The following ANKRD31 variants were observed in gnomAD, a reference collection of about 807,000 sequenced individuals.
ANKRD31 encodes the protein ankyrin repeat domain 31.
A neutral mutation model predicts 186.0 loss-of-function variants in ANKRD31; 147 were observed. The observed-to-expected ratio is 0.79, with a 90% CI of 0.69 to 0.91. The LOEUF is 0.91. Among genes scored for constraint, ANKRD31 ranks in the 40% least tolerant of loss-of-function variants. The probability of loss-of-function intolerance (pLI) is 0.00; values close to 1 mark genes in which losing one functional copy is unlikely to be tolerated. For synonymous variants in ANKRD31, 673 were observed against 736.4 expected, an observed-to-expected ratio of 0.91 and a Z score of 1.39; for missense variants, 1,986 against 2,148.8, an observed-to-expected ratio of 0.92 and a Z score of 1.50.
intron 9 of ANKRD31, 24 bp from the exon 10 acceptor site, chr5:75,188,672 G>A (rs1561519618): frequency 2.7e-6 from 4 of 1,497,810 alleles, no homozygotes; most frequent in Admixed American, 4.5e-5. Context: ...ATGAACAAAA[G>A]AAAAAAATCA....
At chr5:75,155,004 C>T (rs2150159723) in intron 11 of ANKRD31, among the ~76,000 whole-genome samples, 1 of 152,200 alleles carries the variant, frequency 6.6e-6, no homozygotes, top group African/African-American at 2.4e-5. Flanking sequence ...GCCCAATATA[C>T]TCCATATTAT....
intron 3 of ANKRD31, among the ~76,000 whole-genome samples, chr5:75,221,449 T>C (rs1392105805): frequency 1.3e-5 from 2 of 152,204 alleles, no homozygotes; most frequent in Admixed American, 6.5e-5. Context: ...AATTATACCA[T>C]ACAGGCTATA....
chr5:75,167,676 C>T (rs1376452337), intron 11 of ANKRD31, among the ~76,000 whole-genome samples: 1 of 152,010 alleles, frequency 6.6e-6, no homozygotes, highest in East Asian at 1.9e-4. Flanking sequence ...TTGAAGGAAC[C>T]AGAGATTATT....
intron 3 of ANKRD31, among the ~76,000 whole-genome samples, 161 bp from the exon 4 acceptor site, chr5:75,211,026 C>T (rs1756605266): frequency 6.6e-6 from 1 of 152,110 alleles, no homozygotes; most frequent in Non-Finnish European, 1.5e-5. Context: ...ACTATCTGTA[C>T]ATTTTTAAGT....
intron 1 of ANKRD31, among the ~76,000 whole-genome samples, chr5:75,233,372 C>T (rs1758070189): frequency 6.6e-6 from 1 of 151,980 alleles, no homozygotes; most frequent in African/African-American, 2.4e-5. Context: ...CAGGTTTTGC[C>T]ATTTCTTTGG....
chr5:75,210,453 C>G lies in ANKRD31; in HGVS notation c.326+375G>C, dbSNP rs376589636. ...CCTCCCAGAGTGCTAGGATTACAGG[C>G]GTTAGCCACTATGCCTGGCCGAGTT... is the stretch of plus-strand genomic sequence containing the variant. On this transcript the variant is annotated intron_variant, in intron 4 of 25. Transcript: ENST00000506364. Among the ~76,000 whole-genome samples the G allele has an allele frequency of 5.9e-4, 90 of 152,228 alleles. No individual in the cohort carries two copies. In the East Asian group the frequency reaches 0.01, roughly 17 times the overall value.
intron 23 of ANKRD31, among the ~76,000 whole-genome samples, chr5:75,084,895 G>A (rs1167792855): frequency 6.6e-6 from 1 of 152,084 alleles, no homozygotes; most frequent in African/African-American, 2.4e-5. Context: ...GGTTGTTTGT[G>A]AACTTAGCTA....
chr5:75,196,250 A>G, intron 6 of ANKRD31, 50 bp from the exon 7 acceptor site: 1 of 1,282,450 alleles, frequency 7.8e-7, no homozygotes, highest in Non-Finnish European at 1.0e-6. Flanking sequence ...ACAATAAAGT[A>G]TTTAAAATGA....
chr5:75,115,073 G>C (rs1315076240), intron 19 of ANKRD31, among the ~76,000 whole-genome samples: 2 of 151,740 alleles, frequency 1.3e-5, no homozygotes, highest in East Asian at 1.9e-4. Context: ...TAGATCAATG[G>C]AACAGAACAG....
At chr5:75,228,055 C>T (rs7737577) in intron 2 of ANKRD31, among the ~76,000 whole-genome samples, 8 of 152,154 alleles carry the variant, frequency 5.3e-5, no homozygotes, top group African/African-American at 1.7e-4. Flanking sequence ...GGTTGGGGAC[C>T]GCTGCTTTAC....
At chr5:75,168,309 G>C (rs1361244902) in intron 11 of ANKRD31, among the ~76,000 whole-genome samples, 1 of 152,076 alleles carries the variant, frequency 6.6e-6, no homozygotes, top group Non-Finnish European at 1.5e-5. Flanking sequence ...TAAACCCAGA[G>C]GCAACTTTCA....
chr5:75,099,267 C>T (rs1746605052), intron 22 of ANKRD31, among the ~76,000 whole-genome samples: 1 of 152,180 alleles, frequency 6.6e-6, no homozygotes, highest in South Asian at 2.1e-4. Flanking sequence ...AGCCTTGCAT[C>T]CCAGGGATGA....
chr5:75,224,881 T>C (rs1475030634), intron 2 of ANKRD31, among the ~76,000 whole-genome samples: 1 of 152,090 alleles, frequency 6.6e-6, no homozygotes, highest in African/African-American at 2.4e-5. Context: ...CTATTCACAA[T>C]ATATATGACA....
chr5:75,224,521 A>G (rs1757523117), intron 2 of ANKRD31, among the ~76,000 whole-genome samples: 1 of 152,154 alleles, frequency 6.6e-6, no homozygotes, highest in African/African-American at 2.4e-5. Context: ...GAAATTTAAT[A>G]TATGACAATG....
At chr5:75,085,132 A>G (rs55798253) in intron 23 of ANKRD31, among the ~76,000 whole-genome samples, 21,234 of 152,014 alleles carry the variant, frequency 0.14, 1,601 homozygotes, top group Non-Finnish European at 0.16. Context: ...ATGCCTCCCT[A>G]TAACCTCTAG....
intron 5 of ANKRD31, among the ~76,000 whole-genome samples, chr5:75,205,764 A>G (rs1756138542): frequency 6.6e-6 from 1 of 152,084 alleles, no homozygotes. Flanking sequence ...ATTAAACACT[A>G]TAAATATTTA....
chr5:75,124,439 C>T (rs965504108), intron 17 of ANKRD31, among the ~76,000 whole-genome samples: 2 of 152,016 alleles, frequency 1.3e-5, no homozygotes, highest in Admixed American at 1.3e-4. Flanking sequence ...GGGTATATAC[C>T]CACAGGAAAA....
chr5:75,177,513 C>T (rs1319224231), intron 10 of ANKRD31, among the ~76,000 whole-genome samples: 14 of 152,082 alleles, frequency 9.2e-5, no homozygotes, highest in Non-Finnish European at 2.1e-4. Flanking sequence ...AAGGGAAGCC[C>T]ATCAGACTAA....
chr5:75,206,631 C>T, intron 4 of ANKRD31, 144 bp from the exon 5 acceptor site: 1 of 353,684 alleles, frequency 2.8e-6, no homozygotes, highest in Non-Finnish European at 5.1e-6. Context: ...ATTATTTTTA[C>T]AATTATTACC....
Sources: allele counts gnomAD v4.1 joint callset (sites outside exome capture counted in the v4.1 genomes callset), GRCh38; gene constraint gnomAD v4.1.1; transcripts MANE v1.5; gene names NCBI Gene and HGNC (gene_info 2026-07-23, HGNC 2026-07-21).